The following UBE2D2 variants were observed in gnomAD, a reference collection of about 807,000 sequenced individuals.
UBE2D2 encodes ubiquitin-conjugating enzyme E2 D2.
In UBE2D2, 2 loss-of-function variants were observed where a neutral mutation model predicts 24.2. That is an observed-to-expected ratio of 0.08 (90% CI 0.03 to 0.26). The LOEUF is 0.26. Ranked by LOEUF, UBE2D2 falls within the 10% of genes least tolerant of loss-of-function variation. UBE2D2 has a pLI of 1.00. For synonymous variants in UBE2D2, 58 were observed against 56.5 expected (o/e 1.03, Z -0.12); for missense variants, 44 against 177.6 (o/e 0.25, Z 4.28).
intron 1 of UBE2D2, among the ~76,000 whole-genome samples, chr5:139,527,916 G>A (rs554253203): frequency 1.3e-5 from 2 of 152,228 alleles, no homozygotes; most frequent in African/African-American, 4.8e-5. Context: ...CAGGCCAGAG[G>A]CCCTGATTGT....
intron 1 of UBE2D2, among the ~76,000 whole-genome samples, chr5:139,599,324 T>C (rs1754023898): frequency 6.6e-6 from 1 of 152,182 alleles, no homozygotes; most frequent in African/African-American, 2.4e-5. Context: ...GATGGTCCAG[T>C]ATAATTTTGG....
At chr5:139,548,193 A>AAAAAAAAATAAATAAATAAAT in intron 1 of UBE2D2, among the ~76,000 whole-genome samples, 10 of 47,098 alleles carry the variant, frequency 2.1e-4, no homozygotes, top group Non-Finnish European at 3.0e-4. Context: ...ATAAAAAAAA[A>AAAAAAAAATAAATAAATAAAT]AAATAAATAA....
chr5:139,597,446 G>T (rs1753983951), intron 1 of UBE2D2, among the ~76,000 whole-genome samples: 1 of 152,202 alleles, frequency 6.6e-6, no homozygotes, highest in Non-Finnish European at 1.5e-5. Context: ...TTGGCTTAGG[G>T]TTTTAAAATT....
intron 2 of UBE2D2, among the ~76,000 whole-genome samples, chr5:139,600,959 C>G (rs1054206399): frequency 6.6e-6 from 1 of 152,058 alleles, no homozygotes; most frequent in African/African-American, 2.4e-5. Flanking sequence ...CATGCCACCA[C>G]GCCTGATTAA....
chr5:139,573,526 G>T (rs1287120967), intron 1 of UBE2D2, among the ~76,000 whole-genome samples: 1 of 152,054 alleles, frequency 6.6e-6, no homozygotes, highest in Non-Finnish European at 1.5e-5. Context: ...TGCATATTTT[G>T]CAGTTAGGCT....
chr5:139,600,132 GTATT>G, intron 1 of UBE2D2: 2 of 558,584 alleles, frequency 3.6e-6, no homozygotes, highest in Non-Finnish European at 6.6e-6. Flanking sequence ...CTTCCTGATT[GTATT>G]TATTTGCTAA....
intron 1 of UBE2D2, among the ~76,000 whole-genome samples, chr5:139,592,241 C>T (rs1008304046): frequency 5.9e-5 from 9 of 152,052 alleles, no homozygotes; most frequent in African/African-American, 1.7e-4. Context: ...ACCTGGAACA[C>T]ACCTTGGCCT....
chr5:139,533,376 C>T (rs1033379588), intron 1 of UBE2D2, among the ~76,000 whole-genome samples: 4 of 152,076 alleles, frequency 2.6e-5, no homozygotes, highest in East Asian at 1.9e-4. Context: ...AGGGGCCGGG[C>T]GTGGTGGCTC....
rs929095534 is a variant in UBE2D2 at position 139,627,599 on chromosome 5, G to A, written c.*798G>A. On this transcript the variant is annotated 3_prime_UTR_variant, in exon 7 of 7. Coordinates refer to ENST00000398733, the MANE Select transcript of UBE2D2 (RefSeq NM_003339.3). ...AAATTCATTTGATGGAAATACTTGT[G>A]TATATTTAAAGACCCAATTGCTCCT... 1 of 152,646 alleles carries A rather than the reference G, an allele frequency of 6.6e-6. No homozygotes were observed. The highest frequency in any genetic ancestry group is 1.5e-5 in the Non-Finnish European group (1 of 68,036). The allele number at this position is 152,646 out of a possible 1,614,324, so 9.5% of individuals were successfully genotyped here.
intron 2 of UBE2D2, among the ~76,000 whole-genome samples, chr5:139,604,393 C>T (rs2126690263): frequency 6.6e-6 from 1 of 152,170 alleles, no homozygotes; most frequent in African/African-American, 2.4e-5. Flanking sequence ...CCACCTCTAC[C>T]TCCCAAAGCG....
intron 1 of UBE2D2, among the ~76,000 whole-genome samples, chr5:139,548,175 AAAAAAAAATAAAAAAAAAAAAT>A (rs1752859460): frequency 2.6e-5 from 1 of 38,384 alleles, no homozygotes; most frequent in Non-Finnish European, 4.4e-5. Flanking sequence ...AAAAAAAAAA[AAAAAAAAATAAAAAAAAAAAAT>A]AAATAAATAA....
chr5:139,595,253 G>A (rs935496534), intron 1 of UBE2D2, among the ~76,000 whole-genome samples: 4 of 152,054 alleles, frequency 2.6e-5, no homozygotes, highest in Admixed American at 6.6e-5. Flanking sequence ...CGACTAGATC[G>A]ATGCCTTTAT....
At chr5:139,623,317 C>T (rs370907299) in intron 5 of UBE2D2, 51 bp from the exon 6 acceptor site, 59 of 1,394,006 alleles carry the variant, frequency 4.2e-5, no homozygotes, top group Admixed American at 7.4e-5. Flanking sequence ...ATGTTTCTCT[C>T]AACCCTTTGC....
intron 1 of UBE2D2, among the ~76,000 whole-genome samples, chr5:139,583,210 G>A (rs1438365383): frequency 1.3e-5 from 2 of 151,896 alleles, no homozygotes; most frequent in Non-Finnish European, 2.9e-5. Context: ...CCTGACCTCA[G>A]GTGATCCACC....
chr5:139,562,826 A>G (rs1753139946), intron 1 of UBE2D2, among the ~76,000 whole-genome samples: 1 of 151,954 alleles, frequency 6.6e-6, no homozygotes, highest in Non-Finnish European at 1.5e-5. Flanking sequence ...TCTTAGTGCC[A>G]CTTTCATGTT....
chr5:139,528,335 CA>C (rs796471640), intron 1 of UBE2D2, among the ~76,000 whole-genome samples: 194 of 140,786 alleles, frequency 1.4e-3, no homozygotes, highest in African/African-American at 1.9e-3. Context: ...TTTCATCAAC[CA>C]AAAAAAAAAA....
intron 1 of UBE2D2, among the ~76,000 whole-genome samples, chr5:139,542,132 A>C (rs1353900863): frequency 1.3e-5 from 2 of 152,180 alleles, no homozygotes; most frequent in African/African-American, 2.4e-5. Context: ...GGTTGCAGTG[A>C]GCTGAGATGG....
At chr5:139,587,367 C>T (rs1040956559) in intron 1 of UBE2D2, among the ~76,000 whole-genome samples, 1 of 152,008 alleles carries the variant, frequency 6.6e-6, no homozygotes, top group East Asian at 1.9e-4. Context: ...GGAAAGCGAG[C>T]GAAAGCTCAG....
chr5:139,621,620 G>GTCT (rs1274080900), intron 5 of UBE2D2, among the ~76,000 whole-genome samples: 3 of 151,610 alleles, frequency 2.0e-5, no homozygotes, highest in African/African-American at 7.3e-5. Context: ...TAGTGTGGCT[G>GTCT]TCTTTTTTTT....
Sources: allele counts gnomAD v4.1 joint callset (sites outside exome capture counted in the v4.1 genomes callset), GRCh38; gene constraint gnomAD v4.1.1; transcripts MANE v1.5; gene names NCBI Gene and HGNC (gene_info 2026-07-23, HGNC 2026-07-21).